Variants in ST14 observed in about 807,000 individuals in gnomAD.
ST14 encodes the protein ST14 transmembrane serine protease matriptase.
A neutral mutation model predicts 96.5 loss-of-function variants in ST14; 40 were observed. The ratio of observed to expected loss-of-function variants is 0.41; its 90% CI spans 0.32 to 0.54. The LOEUF (loss-of-function observed/expected upper bound fraction) is 0.54. Among genes scored for constraint, ST14 ranks in the 20% least tolerant of loss-of-function variants. The pLI is 0.17. For missense variants in ST14, 1,066 were observed against 1,188.9 expected (o/e 0.90, Z 1.52); for synonymous variants, 506 against 492.1 (o/e 1.03, Z -0.37).
At chr11:130,194,334 A>G (rs1265749705) in intron 8 of ST14, 46 bp downstream of exon 8, 1 of 1,612,450 alleles carries the variant, frequency 6.2e-7, no homozygotes, top group South Asian at 1.1e-5. Flanking sequence ...GGCCACAGAG[A>G]AGGGGAAGGC....
rs1953400460 is a variant in ST14, at chr11:130,199,008, G to A, written c.1746G>A (p.Lys582=). The A allele has an allele frequency of 6.2e-7, 1 of 1,613,998 alleles. No homozygotes were observed. Among genetic ancestry groups the A allele is most frequent in the Non-Finnish European group, 8.5e-7 (1 of 1,180,016 alleles). The change falls in exon 15 of 19, where the codon AAG becomes AAA. Residue 582 remains lysine (K), a synonymous_variant. Coordinates refer to ENST00000278742, the MANE Select transcript of ST14 (RefSeq NM_021978.4). ...YRCLNGLCLS[K]GNPECDGKED... is the part of the protein sequence containing the mutation. ...GCCTCAATGGGCTCTGCTTGAGCAA[G>A]GGCAACCCTGAGTGTGACGGGAAGG... is the stretch of plus-strand genomic sequence containing the variant.
intron 16 of ST14, among the ~76,000 whole-genome samples, chr11:130,204,873 C>T (rs568392721): frequency 1.1e-4 from 17 of 151,846 alleles, no homozygotes; most frequent in African/African-American, 1.7e-4. Flanking sequence ...GACCAGGGCT[C>T]GGGTGGGCAC....
Position 130,188,806 on chromosome 11 carries a change from G to T in ST14, c.370-63G>T. 1 of 1,603,476 alleles carries T rather than the reference G, an allele frequency of 6.2e-7. No individual in the cohort carries two copies. On this transcript the variant is annotated intron_variant, in intron 3 of 18. Coordinates refer to ENST00000278742, the MANE Select transcript of ST14 (RefSeq NM_021978.4). This position sits in a 1 kb window ranked among gnomAD's most constrained non-coding sequence, Gnocchi z 5.4. ...CCCGGGCCCTGGAGGGGAGGGAGCA[G>T]CCCGGGCTTGGGGCAGGGTCATCGC...
intron 1 of ST14, among the ~76,000 whole-genome samples, chr11:130,176,867 C>T (rs577722174): frequency 2.5e-4 from 33 of 132,344 alleles, no homozygotes; most frequent in Middle Eastern, 5.0e-3. Context: ...GGCATGATCT[C>T]GGTTCACTGC....
intron 17 of ST14, among the ~76,000 whole-genome samples, 174 bp downstream of exon 17, chr11:130,208,858 T>G (rs1167773696): frequency 6.6e-6 from 1 of 152,192 alleles, no homozygotes. Context: ...GCATGGGATT[T>G]GCAGCCTGGG....
chr11:130,170,595 G>A (rs1237135307), intron 1 of ST14, among the ~76,000 whole-genome samples: 1 of 152,022 alleles, frequency 6.6e-6, no homozygotes, highest in South Asian at 2.1e-4. Context: ...TGGAGGGCAG[G>A]CAGGTTCGGT....
intron 1 of ST14, among the ~76,000 whole-genome samples, chr11:130,167,784 G>A (rs551684047): frequency 1.3e-5 from 2 of 151,988 alleles, no homozygotes; most frequent in South Asian, 2.1e-4. Flanking sequence ...GCGCGATCTC[G>A]GCTCACTGCA....
Position 130,187,994 on chromosome 11 carries a change from C to T in ST14, c.82-120C>T. 1 of 1,412,842 alleles carries T rather than the reference C, an allele frequency of 7.1e-7. No homozygotes were observed. The highest frequency in any genetic ancestry group is 9.7e-7 in the Non-Finnish European group (1 of 1,034,564). 87.5% of individuals were successfully genotyped at this position (1,412,842 alleles called of 1,614,324 possible). On this transcript the variant is annotated intron_variant, in intron 1 of 18. Coordinates refer to ENST00000278742, the MANE Select transcript of ST14 (RefSeq NM_021978.4). This position sits in a 1 kb window ranked among gnomAD's most constrained non-coding sequence, Gnocchi z 4.5. ...CCTCTGGGGGAAGCCCCCTTCTTCTCACCCAAGCCCCTGCTTTCTTCTCCA... is the reference window on the plus strand; with the variant it reads ...CCTCTGGGGGAAGCCCCCTTCTTCTTACCCAAGCCCCTGCTTTCTTCTCCA...
chr11:130,205,674 A>T, intron 16 of ST14, among the ~76,000 whole-genome samples: 1 of 142,218 alleles, frequency 7.0e-6, no homozygotes, highest in Non-Finnish European at 1.5e-5. Context: ...TCCTCCAATC[A>T]TGCCCATCAT....
chr11:130,160,808 C>T (rs1339767220), intron 1 of ST14, among the ~76,000 whole-genome samples: 2 of 152,194 alleles, frequency 1.3e-5, no homozygotes, highest in African/African-American at 2.4e-5. Flanking sequence ...ACTTCATTGA[C>T]GGACCCACCT....
intron 17 of ST14, among the ~76,000 whole-genome samples, chr11:130,209,133 A>T (rs762377371): frequency 2.0e-5 from 3 of 152,158 alleles, no homozygotes; most frequent in Admixed American, 2.0e-4. Context: ...TACAGCTCCA[A>T]TGCCCTCACA....
chr11:130,166,154 G>C (rs924120616), intron 1 of ST14, among the ~76,000 whole-genome samples: 1 of 152,208 alleles, frequency 6.6e-6, no homozygotes, highest in Non-Finnish European at 1.5e-5. Flanking sequence ...CATAGACACA[G>C]CTTTATGTAT....
chr11:130,184,234 A>G (rs1565621975), intron 1 of ST14, among the ~76,000 whole-genome samples: 1 of 152,216 alleles, frequency 6.6e-6, no homozygotes, highest in Non-Finnish European at 1.5e-5. Flanking sequence ...AAAATTGTAC[A>G]CTTAAATATA....
chr11:130,189,821 G>T lies in ST14; in HGVS notation c.523G>T (p.Glu175Ter). The change falls in exon 5 of 19, where the codon GAG (glutamate) becomes TAG (stop). Residue 175 changes from glutamate (E) to a stop codon, truncating the protein, a stop_gained. Coordinates refer to ENST00000278742, the MANE Select transcript of ST14 (RefSeq NM_021978.4). LOFTEE classifies it high-confidence loss of function. ...GGAGGAGGCCGAGCGCGTCATGGCC[G>T]AGGAGCGCGTAGTCATGCTGCCCCC... ...LVEEAERVMA[E>*]ERVVMLPPRA... The T allele has an allele frequency of 6.2e-7, 1 of 1,613,902 alleles. No individual in the cohort carries two copies. The highest frequency in any genetic ancestry group is 8.5e-7 in the Non-Finnish European group (1 of 1,179,950).
rs776663298 is a variant in ST14 at position 130,196,635 on chromosome 11, A to G, written c.1289A>G (p.His430Arg). The G allele has an allele frequency of 1.9e-6, 3 of 1,613,430 alleles. No homozygotes were observed. Among genetic ancestry groups the G allele is most frequent in the Admixed American group, 1.7e-5 (1 of 59,890 alleles). ...AGCAACAAGATCACAGTTCGCTTCCACTCAGATCAGTCCTACACCGACACC... is the reference window on the plus strand; with the variant it reads ...AGCAACAAGATCACAGTTCGCTTCCGCTCAGATCAGTCCTACACCGACACC... ...SNSNKITVRF[H>R]SDQSYTDTGF... The change falls in exon 11 of 19, where the codon CAC becomes CGC. Residue 430 changes from histidine to arginine, a missense_variant. Transcript: ENST00000278742.
At chr11:130,172,910 CT>C (rs1953105995) in intron 1 of ST14, among the ~76,000 whole-genome samples, 1 of 152,170 alleles carries the variant, frequency 6.6e-6, no homozygotes, top group Admixed American at 6.5e-5. Flanking sequence ...GTGTACGAGC[CT>C]CACGCATCTG....
At chr11:130,199,871 T>G (rs1393539188) in intron 15 of ST14, 80 bp from the exon 16 acceptor site, 1 of 1,579,438 alleles carries the variant, frequency 6.3e-7, no homozygotes, top group Non-Finnish European at 8.7e-7. Context: ...CAGGGTCTCC[T>G]GGCACACACT....
At chr11:130,169,094 T>G (rs1379940843) in intron 1 of ST14, among the ~76,000 whole-genome samples, 1 of 87,996 alleles carries the variant, frequency 1.1e-5, no homozygotes, top group Non-Finnish European at 2.0e-5. Flanking sequence ...TATAATGGGT[T>G]TTTTTTTTTT....
chr11:130,177,642 C>T (rs866727902), intron 1 of ST14, among the ~76,000 whole-genome samples: 1 of 152,220 alleles, frequency 6.6e-6, no homozygotes. Context: ...TTTCTGGCCC[C>T]ACTAGCTTCC....
Sources: gnomAD v4.1 joint callset for allele counts (sites outside exome capture counted in the v4.1 genomes callset) on GRCh38, gnomAD v4.1.1 for gene constraint, Gnocchi (gnomAD v3.1) non-coding constraint, MANE v1.5 for transcripts, NCBI Gene and HGNC (gene_info 2026-07-23, HGNC 2026-07-21) for gene names.